Variants in RAB3C observed in about 807,000 individuals in gnomAD.
RAB3C encodes RAB3C, member RAS oncogene family.
A neutral mutation model predicts 26.4 loss-of-function variants in RAB3C; 17 were observed. The observed-to-expected ratio is 0.64, with a 90% CI of 0.44 to 0.97. The LOEUF (loss-of-function observed/expected upper bound fraction) is 0.97. Among genes scored for constraint, RAB3C ranks in the 50% least tolerant of loss-of-function variants. The probability of loss-of-function intolerance (pLI) is 0.00; values close to 1 mark genes in which losing one functional copy is unlikely to be tolerated. For missense variants in RAB3C, 242 were observed against 281.9 expected (o/e 0.86, Z 1.01); for synonymous variants, 91 against 95.9 (o/e 0.95, Z 0.30).
chr5:58,687,481 T>C (rs1748469081), intron 2 of RAB3C, among the ~76,000 whole-genome samples: 1 of 152,084 alleles, frequency 6.6e-6, no homozygotes, highest in Non-Finnish European at 1.5e-5. Context: ...ACAGAAGTAA[T>C]TGCAAGTAAA....
At chr5:58,768,065 A>C (rs1401236229) in intron 3 of RAB3C, among the ~76,000 whole-genome samples, 1 of 152,112 alleles carries the variant, frequency 6.6e-6, no homozygotes, top group Non-Finnish European at 1.5e-5. Context: ...TATGTAGTGA[A>C]CCTCCAGAAC....
intron 1 of RAB3C, among the ~76,000 whole-genome samples, chr5:58,601,114 T>C (rs975737518): frequency 6.6e-6 from 1 of 152,210 alleles, no homozygotes; most frequent in African/African-American, 2.4e-5. Flanking sequence ...ATGTGATTTT[T>C]GTTTTTAATT....
chr5:58,741,335 AATTT>A (rs1741270540), intron 3 of RAB3C, among the ~76,000 whole-genome samples: 1 of 152,202 alleles, frequency 6.6e-6, no homozygotes, highest in Non-Finnish European at 1.5e-5. Context: ...GGTTGAACTC[AATTT>A]CCAATGCATC....
intron 4 of RAB3C, among the ~76,000 whole-genome samples, chr5:58,826,354 T>C (rs1743477338): frequency 1.3e-5 from 2 of 151,898 alleles, no homozygotes; most frequent in Admixed American, 6.6e-5. Flanking sequence ...TGCATGGACA[T>C]TGAGATGAGC....
chr5:58,686,677 C>G (rs1486384163), intron 2 of RAB3C, among the ~76,000 whole-genome samples: 2 of 148,406 alleles, frequency 1.3e-5, no homozygotes, highest in South Asian at 4.3e-4. Context: ...AACACACACA[C>G]ATACACACAC....
At chr5:58,609,054 G>A (rs1424224826) in intron 1 of RAB3C, among the ~76,000 whole-genome samples, 1 of 152,084 alleles carries the variant, frequency 6.6e-6, no homozygotes, top group Non-Finnish European at 1.5e-5. Context: ...GTGGGGAGGA[G>A]GGGGAGGGAT....
At chr5:58,792,810 T>C (rs181876464) in intron 3 of RAB3C, among the ~76,000 whole-genome samples, 1 of 152,152 alleles carries the variant, frequency 6.6e-6, no homozygotes. Context: ...ACCTTGTGTA[T>C]ATATACACAC....
intron 2 of RAB3C, among the ~76,000 whole-genome samples, chr5:58,653,632 G>A (rs1298583168): frequency 6.6e-6 from 1 of 152,168 alleles, no homozygotes; most frequent in Non-Finnish European, 1.5e-5. Flanking sequence ...AAAAGAATGA[G>A]TTCGTGTCCT....
chr5:58,748,375 C>A (rs938841592), intron 3 of RAB3C, among the ~76,000 whole-genome samples: 1 of 152,106 alleles, frequency 6.6e-6, no homozygotes, highest in East Asian at 1.9e-4. Flanking sequence ...GTCATAAGAA[C>A]CTTGGCTCAT....
At chr5:58,621,663 C>T (rs971351404) in intron 2 of RAB3C, among the ~76,000 whole-genome samples, 1 of 152,184 alleles carries the variant, frequency 6.6e-6, no homozygotes, top group Non-Finnish European at 1.5e-5. Context: ...GCAACCTCTG[C>T]CTCCCAGGTT....
chr5:58,809,035 A>T (rs1743010120), intron 3 of RAB3C, among the ~76,000 whole-genome samples: 1 of 152,254 alleles, frequency 6.6e-6, no homozygotes, highest in Non-Finnish European at 1.5e-5. Flanking sequence ...TCTACCAAAT[A>T]ACATTCTAGC....
chr5:58,822,068 AAT>A (rs776773378), intron 3 of RAB3C, among the ~76,000 whole-genome samples: 5 of 152,176 alleles, frequency 3.3e-5, no homozygotes, highest in East Asian at 3.9e-4. Context: ...ACCACCAGGT[AAT>A]ATGTCTTTCC....
intron 2 of RAB3C, among the ~76,000 whole-genome samples, chr5:58,677,826 AC>A (rs1320052048): frequency 1.3e-5 from 2 of 152,202 alleles, no homozygotes; most frequent in Non-Finnish European, 2.9e-5. Context: ...TTAAAAAAAT[AC>A]TAACATTTTC....
intron 2 of RAB3C, among the ~76,000 whole-genome samples, chr5:58,636,344 A>G (rs1386982757): frequency 2.0e-5 from 3 of 152,094 alleles, no homozygotes; most frequent in African/African-American, 4.8e-5. Context: ...TACATTCCTG[A>G]TGTGAATGCT....
rs533716885 is a variant in RAB3C at position 58,766,473 on chromosome 5, A to C, written c.371+40353A>C. 2.6e-4 allele frequency among the ~76,000 whole-genome samples: 39 copies of C among 152,322 alleles called. 3 individuals carry two copies. The South Asian group carries it at 8.1e-3, about 32-fold the overall frequency. ...TAATACATACGGAAATAAAGTCCAG[A>C]AATAAGGCTGTATGTCCACGACAGA... On this transcript the variant is annotated intron_variant, in intron 3 of 4. Transcript: ENST00000282878.
intron 3 of RAB3C, among the ~76,000 whole-genome samples, chr5:58,737,172 A>C (rs1259699175): frequency 6.6e-6 from 1 of 151,718 alleles, no homozygotes; most frequent in Non-Finnish European, 1.5e-5. Context: ...ACATGCCTGT[A>C]CCTAAGAACA....
intron 2 of RAB3C, among the ~76,000 whole-genome samples, chr5:58,693,234 G>C (rs1053754340): frequency 9.9e-5 from 14 of 141,538 alleles, no homozygotes; most frequent in Non-Finnish European, 2.1e-4. Context: ...TTAAGATAAA[G>C]TTATAATTAT....
At chr5:58,799,096 T>G (rs373996150) in intron 3 of RAB3C, among the ~76,000 whole-genome samples, 1 of 152,202 alleles carries the variant, frequency 6.6e-6, no homozygotes, top group Non-Finnish European at 1.5e-5. Flanking sequence ...CATATTCATG[T>G]TACAGTATTC....
intron 4 of RAB3C, among the ~76,000 whole-genome samples, chr5:58,836,697 T>G (rs925126136): frequency 1.2e-4 from 18 of 152,210 alleles, no homozygotes; most frequent in Non-Finnish European, 1.6e-4. Flanking sequence ...CTACCCATAT[T>G]GCTGTGAATG....
Sources: gnomAD v4.1 joint callset for allele counts (sites outside exome capture counted in the v4.1 genomes callset) on GRCh38, gnomAD v4.1.1 for gene constraint, MANE v1.5 for transcripts, NCBI Gene and HGNC (gene_info 2026-07-23, HGNC 2026-07-21) for gene names.